PAQR5: variants seen among roughly 807,000 people sequenced by gnomAD.
PAQR5 encodes progestin and adipoQ receptor family member 5, also known as membrane progestin receptor gamma.
In PAQR5, 20 loss-of-function variants were observed where a neutral mutation model predicts 34.5. The observed-to-expected ratio is 0.58, with a 90% CI of 0.41 to 0.84. The LOEUF (loss-of-function observed/expected upper bound fraction) is 0.84, where lower values mean the gene tolerates loss of function less well. Ranked by LOEUF, PAQR5 falls within the 40% of genes least tolerant of loss-of-function variation. PAQR5 has a pLI of 0.00. For synonymous variants in PAQR5, 131 were observed against 155.6 expected, an observed-to-expected ratio of 0.84 and a Z score of 1.18; for missense variants, 378 against 412.7, an observed-to-expected ratio of 0.92 and a Z score of 0.73.
In PAQR5 at chr15:69,379,918, C is replaced by A. The variant is rs763682967; in HGVS notation, c.87C>A (p.Arg29=). The A allele has an allele frequency of 1.2e-6, 2 of 1,614,190 alleles. No individual in the cohort carries two copies. The highest frequency in any genetic ancestry group is 4.5e-5 in the East Asian group (2 of 44,890). The change falls in exon 4 of 9, where the codon CGC becomes CGA. Residue 29 remains arginine, a synonymous_variant. Transcript: ENST00000395407. ...FHEQGILFGY[R]HPQSSATACI... Reference sequence around the variant, plus strand: ...AGCAAGGCATCCTGTTCGGCTACCGCCATCCACAGAGTTCTGCCACTGCCT... The same window carrying A: ...AGCAAGGCATCCTGTTCGGCTACCGACATCCACAGAGTTCTGCCACTGCCT...
intron 3 of PAQR5, among the ~76,000 whole-genome samples, chr15:69,370,702 G>A (rs1198149646): frequency 2.6e-5 from 4 of 152,010 alleles, no homozygotes; most frequent in Non-Finnish European, 5.9e-5. Context: ...TGTATTTTTA[G>A]TAGAGGCAGA....
At chr15:69,305,757 G>A (rs185746514) in intron 1 of PAQR5, among the ~76,000 whole-genome samples, 35 of 152,188 alleles carry the variant, frequency 2.3e-4, no homozygotes, top group African/African-American at 5.3e-4. Flanking sequence ...GCAAGGGCAC[G>A]CCTGCGCCGG....
intron 1 of PAQR5, among the ~76,000 whole-genome samples, chr15:69,319,344 A>C (rs1175971460): frequency 1.3e-5 from 2 of 151,082 alleles, no homozygotes; most frequent in African/African-American, 4.9e-5. Flanking sequence ...GGACTGCTCT[A>C]TGGGTCCCCA....
intron 3 of PAQR5, among the ~76,000 whole-genome samples, chr15:69,365,254 G>A (rs549125394): frequency 6.6e-6 from 1 of 152,002 alleles, no homozygotes; most frequent in South Asian, 2.1e-4. Context: ...CTACAGGCAA[G>A]TGCCACCATC....
intron 5 of PAQR5, among the ~76,000 whole-genome samples, chr15:69,386,890 A>G (rs1426134689): frequency 2.6e-5 from 4 of 152,038 alleles, no homozygotes; most frequent in African/African-American, 9.7e-5. Flanking sequence ...TGTATGTCCA[A>G]CCTGACTGAT....
At chr15:69,355,019 G>T (rs546858157) in intron 2 of PAQR5, among the ~76,000 whole-genome samples, 1 of 152,144 alleles carries the variant, frequency 6.6e-6, no homozygotes, top group African/African-American at 2.4e-5. Flanking sequence ...TAAACCATCA[G>T]GTTCCCTCAT....
At chr15:69,341,880 T>G (rs10152565) in intron 2 of PAQR5, among the ~76,000 whole-genome samples, 147,834 of 149,824 alleles carry the variant, frequency 0.99, 72,969 homozygotes, top group Non-Finnish European at 1. Flanking sequence ...GGAGGTCAAG[T>G]CTGCAGTGAG....
chr15:69,387,458 T>A (rs763447359), intron 5 of PAQR5, among the ~76,000 whole-genome samples: 3 of 152,214 alleles, frequency 2.0e-5, no homozygotes, highest in Non-Finnish European at 2.9e-5. Context: ...GGATGTAATA[T>A]CTTCTTTGTG....
chr15:69,361,743 T>A (rs1326443540), intron 3 of PAQR5, among the ~76,000 whole-genome samples: 4 of 152,154 alleles, frequency 2.6e-5, no homozygotes. Context: ...GGTTCCTCCC[T>A]TGACATGTGG....
intron 6 of PAQR5, chr15:69,391,665 T>C: frequency 2.2e-6 from 1 of 455,998 alleles, no homozygotes; most frequent in Non-Finnish European, 4.4e-6. Flanking sequence ...CCTAGGGCTG[T>C]GTGGCTCTGG....
chr15:69,357,987 G>A (rs891536172), intron 2 of PAQR5, among the ~76,000 whole-genome samples: 1 of 152,256 alleles, frequency 6.6e-6, no homozygotes, highest in South Asian at 2.1e-4. Flanking sequence ...GTACGATGTG[G>A]TTGGTGCTGC....
At chr15:69,372,261 T>C (rs1458497015) in intron 3 of PAQR5, among the ~76,000 whole-genome samples, 1 of 152,168 alleles carries the variant, frequency 6.6e-6, no homozygotes, top group Non-Finnish European at 1.5e-5. Context: ...AAGCATTCTT[T>C]GGCCAGGCGC....
intron 1 of PAQR5, among the ~76,000 whole-genome samples, chr15:69,320,311 C>G (rs2054063572): frequency 6.6e-6 from 1 of 152,258 alleles, no homozygotes; most frequent in Admixed American, 6.5e-5. Flanking sequence ...CTGGGACCAG[C>G]TTTACAGTCA....
chr15:69,362,956 T>G (rs1289134530), intron 3 of PAQR5, among the ~76,000 whole-genome samples: 1 of 152,228 alleles, frequency 6.6e-6, no homozygotes. Flanking sequence ...TTGATTTCTG[T>G]TTGAAGAAGG....
chr15:69,320,385 C>T (rs754053773), intron 1 of PAQR5, among the ~76,000 whole-genome samples: 12 of 152,218 alleles, frequency 7.9e-5, no homozygotes, highest in East Asian at 7.7e-4. Flanking sequence ...AGCTGGGGTT[C>T]GGCCTGGGCA....
chr15:69,302,980 G>A (rs1284136370), intron 1 of PAQR5, among the ~76,000 whole-genome samples: 1 of 152,132 alleles, frequency 6.6e-6, no homozygotes. Context: ...CCTTCTGATG[G>A]CCTATAGATT....
intron 1 of PAQR5, among the ~76,000 whole-genome samples, chr15:69,316,326 C>T (rs886731174): frequency 3.9e-5 from 6 of 152,166 alleles, no homozygotes; most frequent in Admixed American, 6.5e-5. Context: ...GGTGATCCAC[C>T]TGCCTTGGCC....
Position 69,313,010 on chromosome 15 carries a change from T to G in PAQR5, c.-277+13954T>G, listed in dbSNP as rs369195457. Among the ~76,000 whole-genome samples the G allele has an allele frequency of 4.6e-5, 7 of 152,314 alleles. No individual in the cohort carries two copies. In the East Asian group the frequency reaches 1.2e-3, roughly 25 times the overall value. On this transcript the variant is annotated intron_variant, in intron 1 of 8. Coordinates refer to ENST00000395407, the MANE Select transcript of PAQR5 (RefSeq NM_017705.4). ...TCTTGTATCGTTGCTTACACAGTTA[T>G]TTACCTTTTTGAGAGTGGAATTTGT...
intron 3 of PAQR5, among the ~76,000 whole-genome samples, chr15:69,368,709 T>C (rs2055471353): frequency 6.6e-6 from 1 of 151,252 alleles, no homozygotes; most frequent in African/African-American, 2.4e-5. Flanking sequence ...GTCTGGTGTA[T>C]TATTTATTCC....
Sources: gnomAD v4.1 joint callset for allele counts (sites outside exome capture counted in the v4.1 genomes callset) on GRCh38, gnomAD v4.1.1 for gene constraint, MANE v1.5 for transcripts, NCBI Gene and HGNC (gene_info 2026-07-23, HGNC 2026-07-21) for gene names.